The following MESP1 variants were observed in gnomAD, a reference collection of about 807,000 sequenced individuals.
The protein encoded by MESP1 is mesoderm posterior bHLH transcription factor 1, also known as mesoderm posterior protein 1.
A neutral mutation model predicts 15.2 loss-of-function variants in MESP1; 22 were observed. That is an observed-to-expected ratio of 1.45 (90% confidence interval 1.04 to 2.07). The LOEUF is 2.07. MESP1 is among the 30% of genes most tolerant of loss of function. The pLI, the probability that MESP1 is intolerant of heterozygous loss-of-function variation, is 0.00. For synonymous variants in MESP1, 216 were observed against 192.6 expected (o/e 1.12, Z -1.01); for missense variants, 484 against 411.9 (o/e 1.17, Z -1.51).
At chr15:89,734,343 T>G in the MESP1 span, among the ~76,000 whole-genome samples, 1 of 152,188 alleles carries the variant, frequency 6.6e-6, no homozygotes, top group East Asian at 1.9e-4. Context: ...TCTTCTAAGA[T>G]AGCTTCACTC....
At chr15:89,743,339 C>T in the MESP1 span, 1 of 1,614,040 alleles carries the variant, frequency 6.2e-7, no homozygotes, top group Non-Finnish European at 8.5e-7. Context: ...GAGCACTGGG[C>T]CCGGCTTCAG....
chr15:89,736,304 G>A, the MESP1 span, among the ~76,000 whole-genome samples: 2 of 152,212 alleles, frequency 1.3e-5, no homozygotes, highest in Non-Finnish European at 2.9e-5. Context: ...GGCCTGGAGA[G>A]AAAGTCTGTG....
Position 89,751,167 on chromosome 15 carries a change from G to T in MESP1, c.65C>A (p.Thr22Asn). The T allele has an allele frequency of 7.9e-7, 1 of 1,271,632 alleles. No individual in the cohort carries two copies. The highest frequency in any genetic ancestry group is 9.9e-7 in the Non-Finnish European group (1 of 1,011,418). The allele number at this position is 1,271,632 out of a possible 1,614,324, so 78.8% of individuals were successfully genotyped here. A position where few individuals can be genotyped will look rare whatever the true frequency, so the allele number is the denominator to read the frequency against. Residue 22 changes from threonine to asparagine, a missense_variant, in exon 1 of 2, where the codon ACT becomes AAT. Coordinates refer to ENST00000300057, the MANE Select transcript of MESP1 (RefSeq NM_018670.4). ...SWMLSAAWGP[T>N]RRPPPSDKDC... ...CTTGTCGGAGGGCGGCGGCCGCCGA[G>T]TTGGGCCCCAGGCCGCAGAGAGCAT...
the MESP1 span, chr15:89,738,179 T>C: frequency 1.2e-6 from 2 of 1,614,164 alleles, no homozygotes; most frequent in East Asian, 2.2e-5. Flanking sequence ...TTGGATAACA[T>C]GGCCTTCCCC....
the MESP1 span, among the ~76,000 whole-genome samples, chr15:89,736,859 T>C: frequency 5.3e-5 from 8 of 151,260 alleles, no homozygotes; most frequent in African/African-American, 1.7e-4. Context: ...TGGTGCAATC[T>C]TGGCTCACTG....
At chr15:89,733,334 A>T in the MESP1 span, 1 of 961,278 alleles carries the variant, frequency 1.0e-6, no homozygotes, top group Non-Finnish European at 1.5e-6. Flanking sequence ...TATAGTCATC[A>T]CTCTCCTGGT....
chr15:89,750,069 T>G lies in MESP1; in HGVS notation c.*75A>C. On this transcript the variant is annotated 3_prime_UTR_variant, in exon 2 of 2. Transcript: ENST00000300057. ...GTGCCCTCTTCCAGGAAAGGCAGTC[T>G]GCCAAGGAACCACTTCGAAGGTGCT... is the stretch of plus-strand genomic sequence containing the variant. 1 of 1,400,506 alleles carries G rather than the reference T, an allele frequency of 7.1e-7. No individual in the cohort carries two copies. Among genetic ancestry groups the G allele is most frequent in the Non-Finnish European group, 1.0e-6 (1 of 986,866 alleles). 86.8% of individuals were successfully genotyped at this position (1,400,506 alleles called of 1,614,324 possible).
chr15:89,735,004 C>G, the MESP1 span, among the ~76,000 whole-genome samples: 2 of 151,724 alleles, frequency 1.3e-5, no homozygotes, highest in South Asian at 2.1e-4. Context: ...TTCCTTCCTT[C>G]CTTCTTTCCT....
Position 89,750,585 on chromosome 15 carries a change from GGCTCGGGTGCA to G in MESP1, c.636_646del (p.Pro214ArgfsTer13), listed in dbSNP as rs752326921. On this transcript the variant is annotated frameshift_variant, in exon 1 of 2. Transcript: ENST00000300057. LOFTEE classifies it high-confidence loss of function. ...GGCGAACAGCGCAGGCGGGTCGCGC[GGCTCGGGTGCA>G]GCTCGGGCTCCGGGGCAGGCAGGCG... 6.4e-6 allele frequency: 9 copies of G among 1,415,016 alleles called. No homozygotes were observed. The highest frequency in any genetic ancestry group is 3.1e-5 in the Admixed American group (1 of 32,492). The allele number at this position is 1,415,016 out of a possible 1,614,324, so 87.7% of individuals were successfully genotyped here. A position where few individuals can be genotyped will look rare whatever the true frequency, so the allele number is the denominator to read the frequency against.
chr15:89,737,586 C>T, the MESP1 span: 1 of 1,614,222 alleles, frequency 6.2e-7, no homozygotes. Context: ...CTCATCTTTT[C>T]CAAGAATGGC....
chr15:89,739,669 T>TG, the MESP1 span, among the ~76,000 whole-genome samples: 1 of 152,228 alleles, frequency 6.6e-6, no homozygotes, highest in African/African-American at 2.4e-5. Context: ...AGTGGAGTCC[T>TG]GGATCCTCGT....
At chr15:89,745,991 G>GCATACACACCTCCACA (rs1228559019), downstream of MESP1, among the ~76,000 whole-genome samples, 2 of 126,838 alleles carry the variant, frequency 1.6e-5, no homozygotes, top group Non-Finnish European at 1.7e-5. This position sits in a 1 kb window ranked among gnomAD's most constrained non-coding sequence, Gnocchi z 4.8. Context: ...ACACCTCCAC[G>GCATACACACCTCCACA]CATACACACC....
the MESP1 span, chr15:89,737,755 C>T: frequency 6.2e-7 from 1 of 1,613,070 alleles, no homozygotes; most frequent in Non-Finnish European, 8.5e-7. Context: ...AGGGCTGATG[C>T]CCACTGACCA....
At chr15:89,733,933 G>A in the MESP1 span, among the ~76,000 whole-genome samples, 1 of 152,126 alleles carries the variant, frequency 6.6e-6, no homozygotes, top group Non-Finnish European at 1.5e-5. Context: ...AGTTTCTCCA[G>A]GGATCTCTCT....
the MESP1 span, among the ~76,000 whole-genome samples, chr15:89,732,771 C>T: frequency 6.6e-6 from 1 of 152,160 alleles, no homozygotes; most frequent in Admixed American, 6.5e-5. Context: ...CTCCTCCATG[C>T]TCTTGCTTCT....
chr15:89,747,246 G>A (rs529479981), downstream of MESP1, among the ~76,000 whole-genome samples: 7 of 152,304 alleles, frequency 4.6e-5, no homozygotes, highest in African/African-American at 1.2e-4. Context: ...CTTATGGAAA[G>A]TTCCTCGAGT....
At chr15:89,748,797 G>C (rs932327275), downstream of MESP1, 1 of 152,206 alleles carries the variant, frequency 6.6e-6, no homozygotes, top group African/African-American at 2.4e-5. Flanking sequence ...GTTTCTTTTG[G>C]GGGGTGAAAA....
chr15:89,733,022 C>T, the MESP1 span: 16 of 1,614,098 alleles, frequency 9.9e-6, no homozygotes, highest in Non-Finnish European at 1.2e-5. Flanking sequence ...CTCTTGGGGT[C>T]GCTGCTCTTC....
the MESP1 span, among the ~76,000 whole-genome samples, chr15:89,742,268 A>G: frequency 6.6e-6 from 1 of 152,122 alleles, no homozygotes; most frequent in Non-Finnish European, 1.5e-5. Context: ...ATTAATTAAA[A>G]TCTTATCTCC....
Sources: allele counts gnomAD v4.1 joint callset (sites outside exome capture counted in the v4.1 genomes callset), GRCh38; gene constraint gnomAD v4.1.1; non-coding constraint Gnocchi (gnomAD v3.1); transcripts MANE v1.5; gene names NCBI Gene and HGNC (gene_info 2026-07-23, HGNC 2026-07-21).